RANBP17: variants seen among roughly 807,000 people sequenced by gnomAD.
RANBP17 encodes the protein ran-binding protein 17.
RANBP17 carries 158 observed loss-of-function variants against 141.2 expected under a neutral mutation model. That is an observed-to-expected ratio of 1.12 (90% CI 0.98 to 1.28). RANBP17 has a LOEUF of 1.28. Among genes scored for constraint, RANBP17 ranks in the 50% most tolerant of loss-of-function variants. The pLI, the probability that RANBP17 is intolerant of heterozygous loss-of-function variation, is 0.00. For synonymous variants in RANBP17, 430 were observed against 450.0 expected, an observed-to-expected ratio of 0.96 and a Z score of 0.56; for missense variants, 1,438 against 1,290.7, an observed-to-expected ratio of 1.11 and a Z score of -1.75.
intron 14 of RANBP17, among the ~76,000 whole-genome samples, chr5:171,032,355 C>A (rs1781598100): frequency 6.6e-6 from 1 of 152,090 alleles, no homozygotes; most frequent in Non-Finnish European, 1.5e-5. Context: ...GTTTTCAAGA[C>A]AACGCAGTTT....
intron 14 of RANBP17, among the ~76,000 whole-genome samples, chr5:171,136,099 T>C (rs1369888399): frequency 1.3e-5 from 2 of 152,264 alleles, no homozygotes; most frequent in Non-Finnish European, 2.9e-5. Flanking sequence ...TACTATTTAG[T>C]TGATGCTTGA....
At chr5:171,105,327 A>G (rs947108041) in intron 14 of RANBP17, among the ~76,000 whole-genome samples, 11 of 135,200 alleles carry the variant, frequency 8.1e-5, no homozygotes, top group Admixed American at 6.5e-4. Flanking sequence ...GCTTGCAGTG[A>G]GCCGAGATCC....
At chr5:171,203,292 C>T (rs2127958219) in intron 19 of RANBP17, among the ~76,000 whole-genome samples, 1 of 152,322 alleles carries the variant, frequency 6.6e-6, no homozygotes, top group East Asian at 1.9e-4. Flanking sequence ...GCTCAAATTA[C>T]TTAGTAGGCT....
chr5:171,264,762 T>C (rs1397587525), intron 24 of RANBP17, among the ~76,000 whole-genome samples: 1 of 152,204 alleles, frequency 6.6e-6, no homozygotes, highest in Non-Finnish European at 1.5e-5. Flanking sequence ...ACTCAGAAAG[T>C]AATTGGCAAA....
intron 18 of RANBP17, among the ~76,000 whole-genome samples, chr5:171,192,243 G>T (rs1761700137): frequency 6.6e-6 from 1 of 152,110 alleles, no homozygotes; most frequent in Non-Finnish European, 1.5e-5. Flanking sequence ...GGGGGAGTGG[G>T]CAGTAAGGGG....
At chr5:171,049,616 G>A (rs376433829) in intron 14 of RANBP17, among the ~76,000 whole-genome samples, 34 of 152,208 alleles carry the variant, frequency 2.2e-4, no homozygotes, top group African/African-American at 7.9e-4. Flanking sequence ...TTACATTTAA[G>A]CTTTAATCAA....
intron 13 of RANBP17, among the ~76,000 whole-genome samples, chr5:170,961,377 G>A (rs907573771): frequency 1.3e-5 from 2 of 152,110 alleles, no homozygotes; most frequent in Non-Finnish European, 2.9e-5. Context: ...TGTTTGAAAT[G>A]GCATGCTTAT....
chr5:171,282,999 C>T (rs1049879299), intron 25 of RANBP17, among the ~76,000 whole-genome samples: 3 of 152,120 alleles, frequency 2.0e-5, no homozygotes, highest in Admixed American at 6.5e-5. Context: ...TCCATTCCCA[C>T]AGAACTGCTC....
intron 14 of RANBP17, among the ~76,000 whole-genome samples, chr5:171,062,698 T>C (rs1318040423): frequency 1.3e-5 from 2 of 152,220 alleles, no homozygotes; most frequent in Non-Finnish European, 2.9e-5. Context: ...TGAATCTGAA[T>C]GTTGGCCTGC....
chr5:171,128,378 G>A (rs1756653830), intron 14 of RANBP17, among the ~76,000 whole-genome samples: 2 of 152,098 alleles, frequency 1.3e-5, no homozygotes, highest in African/African-American at 4.8e-5. Context: ...AGATGAAACT[G>A]GAGGTCATTA....
chr5:170,934,972 A>AT (rs1773733495), intron 12 of RANBP17, among the ~76,000 whole-genome samples: 1 of 152,152 alleles, frequency 6.6e-6, no homozygotes, highest in Non-Finnish European at 1.5e-5. Context: ...CTTTTCATGT[A>AT]GTCCCATATT....
At chr5:170,999,138 AT>A (rs1315659755) in intron 14 of RANBP17, among the ~76,000 whole-genome samples, 2 of 151,968 alleles carry the variant, frequency 1.3e-5, no homozygotes, top group Non-Finnish European at 2.9e-5. Context: ...ATTATTATTT[AT>A]TTTCTTAAAT....
At chr5:171,023,334 G>A (rs1401546854) in intron 14 of RANBP17, among the ~76,000 whole-genome samples, 1 of 152,020 alleles carries the variant, frequency 6.6e-6, no homozygotes, top group Non-Finnish European at 1.5e-5. Context: ...TTGTACTATT[G>A]TTCTTATAGA....
chr5:171,088,193 G>T (rs961057919), intron 14 of RANBP17, among the ~76,000 whole-genome samples: 6 of 151,764 alleles, frequency 4.0e-5, no homozygotes, highest in Non-Finnish European at 8.8e-5. Flanking sequence ...TTGCTTGTCT[G>T]TAAAGTATTT....
intron 14 of RANBP17, among the ~76,000 whole-genome samples, chr5:171,161,966 A>T (rs1411599274): frequency 1.3e-5 from 2 of 152,198 alleles, no homozygotes; most frequent in Non-Finnish European, 2.9e-5. Flanking sequence ...ATCCAGCATC[A>T]GCTTCTTTGC....
chr5:170,954,515 C>CAT (rs1453942127), intron 13 of RANBP17, among the ~76,000 whole-genome samples: 20 of 135,690 alleles, frequency 1.5e-4, no homozygotes, highest in African/African-American at 2.1e-4. Context: ...ATATTTTACA[C>CAT]ACACACACAC....
intron 25 of RANBP17, among the ~76,000 whole-genome samples, chr5:171,284,330 T>TTTA (rs1166241831): frequency 6.6e-6 from 1 of 150,544 alleles, no homozygotes; most frequent in African/African-American, 2.4e-5. Flanking sequence ...TTTTATTTTG[T>TTTA]TTATTTATTT....
chr5:171,003,816 G>A (rs528219370), intron 14 of RANBP17, among the ~76,000 whole-genome samples: 5 of 152,240 alleles, frequency 3.3e-5, no homozygotes, highest in Admixed American at 2.6e-4. Context: ...CGTCAGGCCA[G>A]GTAAAAGCAA....
At chr5:170,955,095 A>G (rs1428381884) in intron 13 of RANBP17, among the ~76,000 whole-genome samples, 3 of 152,068 alleles carry the variant, frequency 2.0e-5, no homozygotes. Flanking sequence ...GAACAGTTTC[A>G]TCCTGAGACC....
Sources: allele counts gnomAD v4.1 joint callset (sites outside exome capture counted in the v4.1 genomes callset), GRCh38; gene constraint gnomAD v4.1.1; transcripts MANE v1.5; gene names NCBI Gene and HGNC (gene_info 2026-07-23, HGNC 2026-07-21).